The following SFMBT2 variants were observed in gnomAD, a reference collection of about 807,000 sequenced individuals.
SFMBT2 encodes Scm like with four mbt domains 2.
In SFMBT2, 38 loss-of-function variants were observed where a neutral mutation model predicts 110.1. The ratio of observed to expected loss-of-function variants is 0.35; its 90% CI spans 0.27 to 0.45. The LOEUF is 0.45. Ranked by LOEUF, SFMBT2 falls within the 20% of genes least tolerant of loss-of-function variation. SFMBT2 has a pLI of 1.00. For missense variants in SFMBT2, 1,011 were observed against 1,094.9 expected, an observed-to-expected ratio of 0.92 and a Z score of 1.08; for synonymous variants, 425 against 425.4, an observed-to-expected ratio of 1.00 and a Z score of 0.01.
At chr10:7,268,055 G>A (rs777627750) in intron 7 of SFMBT2, among the ~76,000 whole-genome samples, 22 of 152,330 alleles carry the variant, frequency 1.4e-4, no homozygotes, top group Non-Finnish European at 2.2e-4. Flanking sequence ...TTGCAAACAC[G>A]TAGGATCTCA....
chr10:7,350,214 C>T (rs1454650829), intron 4 of SFMBT2, among the ~76,000 whole-genome samples: 5 of 151,862 alleles, frequency 3.3e-5, no homozygotes, highest in Non-Finnish European at 7.4e-5. Flanking sequence ...CCATGGGGTC[C>T]ATCCCGCTGA....
chr10:7,189,611 A>C (rs956024001), intron 15 of SFMBT2, among the ~76,000 whole-genome samples: 5 of 152,242 alleles, frequency 3.3e-5, no homozygotes, highest in African/African-American at 9.6e-5. Flanking sequence ...GTGAGAGTGC[A>C]AAGCAGAGGC....
At chr10:7,248,940 G>A (rs1840710777) in intron 7 of SFMBT2, 1 of 177,738 alleles carries the variant, frequency 5.6e-6, no homozygotes, top group Non-Finnish European at 1.1e-5. Flanking sequence ...GCTATTAACT[G>A]AAGCACAGCA....
intron 12 of SFMBT2, chr10:7,202,849 C>T (rs2762603): frequency 0.023 from 22,455 of 985,330 alleles, 277 homozygotes; most frequent in Non-Finnish European, 0.025. Flanking sequence ...TCAATTGTTG[C>T]AAGCAGTTAT....
intron 9 of SFMBT2, among the ~76,000 whole-genome samples, chr10:7,239,336 G>C (rs1191235810): frequency 2.6e-5 from 4 of 152,220 alleles, no homozygotes; most frequent in Non-Finnish European, 5.9e-5. Context: ...CATATTCTAC[G>C]TGTCAACCTA....
intron 1 of SFMBT2, among the ~76,000 whole-genome samples, 80 bp downstream of exon 1, chr10:7,410,781 A>G (rs2245569): frequency 0.3 from 41,337 of 139,046 alleles, 7,418 homozygotes; most frequent in African/African-American, 0.53. Context: ...GCCCCTGACC[A>G]GCGCACTCAA....
intron 15 of SFMBT2, among the ~76,000 whole-genome samples, chr10:7,193,544 A>T (rs1400663504): frequency 1.3e-5 from 2 of 150,604 alleles, no homozygotes; most frequent in African/African-American, 2.4e-5. Flanking sequence ...CGTTTCTGCC[A>T]GGAGCGCTTG....
chr10:7,320,935 T>C (rs1843167024), intron 4 of SFMBT2, among the ~76,000 whole-genome samples: 1 of 152,228 alleles, frequency 6.6e-6, no homozygotes, highest in Non-Finnish European at 1.5e-5. Context: ...ATAGTAAAGA[T>C]AATTAAATAA....
At chr10:7,310,321 C>G (rs971957634) in intron 4 of SFMBT2, among the ~76,000 whole-genome samples, 1 of 152,180 alleles carries the variant, frequency 6.6e-6, no homozygotes, top group Admixed American at 6.5e-5. Context: ...GAATGCCAGG[C>G]GCTGAGAACT....
At chr10:7,334,378 C>T (rs1843654170) in intron 4 of SFMBT2, among the ~76,000 whole-genome samples, 1 of 152,192 alleles carries the variant, frequency 6.6e-6, no homozygotes, top group African/African-American at 2.4e-5. Flanking sequence ...GTCTAAGAGG[C>T]TGCCTCTTCA....
At chr10:7,215,276 G>A (rs1168265962) in intron 11 of SFMBT2, among the ~76,000 whole-genome samples, 3 of 152,058 alleles carry the variant, frequency 2.0e-5, no homozygotes, top group East Asian at 1.9e-4. Context: ...GTGGTGGCAC[G>A]TGCCTGAAGT....
At position 7,161,658 on chromosome 10, in the gene SFMBT2, A is replaced by G. The variant is rs74115575; in HGVS notation, c.*2112T>C. 5,504 of 152,298 alleles carry G rather than the reference A, an allele frequency of 0.036. 325 individuals carry two copies. Among genetic ancestry groups the G allele is most frequent in the African/African-American group, 0.12 (4,929 of 41,530 alleles). The allele number at this position is 152,298 out of a possible 1,614,324, so 9.4% of individuals were successfully genotyped here. A position where few individuals can be genotyped will look rare whatever the true frequency, so the allele number is the denominator to read the frequency against. ...CTCCTCCCATCTGAGGTCCCCAGGCAGATGCATCAGCCGAACTCTAAAACT... is the reference window on the plus strand; with the variant it reads ...CTCCTCCCATCTGAGGTCCCCAGGCGGATGCATCAGCCGAACTCTAAAACT... On this transcript the variant is annotated 3_prime_UTR_variant, in exon 21 of 21. Coordinates refer to ENST00000397167, the MANE Select transcript of SFMBT2 (RefSeq NM_001387889.1).
intron 1 of SFMBT2, among the ~76,000 whole-genome samples, chr10:7,386,769 A>G (rs1332585997): frequency 6.6e-6 from 1 of 152,188 alleles, no homozygotes; most frequent in African/African-American, 2.4e-5. Flanking sequence ...TGCATTTACG[A>G]TCATTTTATT....
chr10:7,388,664 C>T (rs898089134), intron 1 of SFMBT2, among the ~76,000 whole-genome samples: 1 of 151,778 alleles, frequency 6.6e-6, no homozygotes, highest in Middle Eastern at 3.4e-3. Context: ...ACATGAGCCA[C>T]CACACCCCAC....
intron 10 of SFMBT2, among the ~76,000 whole-genome samples, chr10:7,220,746 T>C (rs1007530744): frequency 6.6e-6 from 1 of 152,142 alleles, no homozygotes; most frequent in Non-Finnish European, 1.5e-5. Context: ...GCCTAGCACA[T>C]AGTAGGTGCC....
chr10:7,168,112 C>T (rs1329169637), intron 20 of SFMBT2, among the ~76,000 whole-genome samples: 7 of 151,812 alleles, frequency 4.6e-5, no homozygotes, highest in Non-Finnish European at 8.8e-5. Context: ...GGGACAGTGT[C>T]GGCAGTGTTC....
chr10:7,324,221 A>G (rs576928983), intron 4 of SFMBT2, among the ~76,000 whole-genome samples: 19 of 152,360 alleles, frequency 1.2e-4, no homozygotes, highest in African/African-American at 4.3e-4. Context: ...ATGTTTTGCT[A>G]TAAGTGTGAA....
intron 1 of SFMBT2, among the ~76,000 whole-genome samples, chr10:7,389,065 C>A (rs560286212): frequency 6.6e-6 from 1 of 152,226 alleles, no homozygotes; most frequent in African/African-American, 2.4e-5. Context: ...AAAATGCAAT[C>A]TTTTCACAGC....
At chr10:7,228,497 G>C (rs1839967380) in intron 9 of SFMBT2, 18 of 306,880 alleles carry the variant, frequency 5.9e-5, no homozygotes, top group Non-Finnish European at 7.2e-5. Context: ...ATGAGGGAAG[G>C]AAGGCAAACG....
Sources: allele counts gnomAD v4.1 joint callset (sites outside exome capture counted in the v4.1 genomes callset), GRCh38; gene constraint gnomAD v4.1.1; transcripts MANE v1.5; gene names NCBI Gene and HGNC (gene_info 2026-07-23, HGNC 2026-07-21).